Variants in MAN2C1 observed in about 807,000 individuals in gnomAD.
The protein encoded by MAN2C1 is mannosidase alpha class 2C member 1.
MAN2C1 carries 111 observed loss-of-function variants against 126.9 expected under a neutral mutation model. That is an observed-to-expected ratio of 0.87 (90% CI 0.75 to 1.02). MAN2C1 has a LOEUF of 1.02. Ranked by LOEUF, MAN2C1 falls within the 50% of genes least tolerant of loss-of-function variation. The pLI is 0.00. For synonymous variants in MAN2C1, 567 were observed against 561.5 expected, an observed-to-expected ratio of 1.01 and a Z score of -0.14; for missense variants, 1,363 against 1,364.4, an observed-to-expected ratio of 1.00 and a Z score of 0.02.
chr15:75,361,963 G>GCGC lies in MAN2C1; in HGVS notation c.1009-17_1009-16insGCG, dbSNP rs1178507153. The GCGC allele has an allele frequency of 6.2e-7, 1 of 1,601,754 alleles. No homozygotes were observed. The highest frequency in any genetic ancestry group is 2.2e-5 in the East Asian group (1 of 44,828). ...GGTTCCCATCCTGGCAGTGAAGGAA[G>GCGC]TGGGAGGCAGCCCAGGTCAGCGCTG... On this transcript the variant is annotated splice_polypyrimidine_tract_variant and intron_variant, in intron 8 of 25. Transcript: ENST00000267978. The surrounding 1 kb of genome is among the most constrained non-coding windows in gnomAD (Gnocchi z 5.0).
intron 4 of MAN2C1, chr15:75,365,977 C>A (rs1334752979): frequency 9.7e-6 from 4 of 411,474 alleles, no homozygotes; most frequent in Non-Finnish European, 1.9e-5. Context: ...ATCCCTGCTA[C>A]TCGGGAAGCT....
chr15:75,366,401 T>G, intron 4 of MAN2C1, 121 bp downstream of exon 4: 1 of 772,190 alleles, frequency 1.3e-6, no homozygotes, highest in Non-Finnish European at 2.1e-6. Context: ...AACAATGAGA[T>G]GTGAGGATGA....
rs1336026346 is a variant in MAN2C1 at position 75,368,550 on chromosome 15, T to A, written c.34A>T (p.Thr12Ser). The change falls in exon 1 of 26, where the codon ACC becomes TCC. Residue 12 changes from threonine to serine, a missense_variant. Coordinates refer to ENST00000267978, the MANE Select transcript of MAN2C1 (RefSeq NM_006715.4). ...AAAPALKHWR[T>S]TLERVEKFVS... ...AACTTCTCCACCCGCTCCAGCGTGG[T>A]GCGCCAGTGCTTCAAGGCCGGCGCA... 1 of 1,552,580 alleles carries A rather than the reference T, an allele frequency of 6.4e-7. No homozygotes were observed. The highest frequency in any genetic ancestry group is 2.4e-5 in the East Asian group (1 of 41,238).
Position 75,359,723 on chromosome 15 carries a change from A to C in MAN2C1, c.1845T>G (p.Cys615Trp), listed in dbSNP as rs757745186. 4 of 1,614,132 alleles carry C rather than the reference A, an allele frequency of 2.5e-6. No individual in the cohort carries two copies. The highest frequency in any genetic ancestry group is 2.2e-5 in the East Asian group (1 of 44,890). The change falls in exon 16 of 26, where the codon TGT becomes TGG. Residue 615 changes from cysteine (C) to tryptophan (W), a missense_variant. Around this residue, in one of 3 missense-constraint regions of MAN2C1, gnomAD observed 668 missense variants for 650.1 expected, o/e 1.03. Transcript: ENST00000267978. The stretch of plus-strand genomic sequence containing the variant: ...GGCCCTCAGGACCTGGCTCCCCAGC[A>C]CACAGGGCTGCGGCTGCAGCGCTGA... The part of the protein sequence containing the change: ...TLLSAAAAAL[C>W]AGEPGPEGLL...
At chr15:75,367,231 G>T (rs1343126974) in intron 3 of MAN2C1, among the ~76,000 whole-genome samples, 1 of 152,116 alleles carries the variant, frequency 6.6e-6, no homozygotes, top group Non-Finnish European at 1.5e-5. Context: ...ACACTTAACA[G>T]TGGTTATAGC....
intron 3 of MAN2C1, among the ~76,000 whole-genome samples, chr15:75,367,213 T>A (rs1005863056): frequency 2.0e-5 from 3 of 151,930 alleles, no homozygotes; most frequent in African/African-American, 7.3e-5. Context: ...GGGTGGAGCA[T>A]GAATAAGACA....
At chr15:75,366,106 C>G (rs542142014) in intron 4 of MAN2C1, 1 of 315,834 alleles carries the variant, frequency 3.2e-6, no homozygotes, top group Admixed American at 4.7e-5. Flanking sequence ...AACATGAATG[C>G]TGAGATGTTA....
chr15:75,360,275 C>T, intron 13 of MAN2C1, 64 bp from the exon 14 acceptor site: 1 of 1,584,984 alleles, frequency 6.3e-7, no homozygotes. Flanking sequence ...CCTTCCAAAG[C>T]CCTCCCTTGC....
intron 21 of MAN2C1, 109 bp downstream of exon 21, chr15:75,358,092 T>G: frequency 7.4e-7 from 1 of 1,352,562 alleles, no homozygotes; most frequent in South Asian, 1.2e-5. Context: ...GCACACACGT[T>G]AGGAAGCAGC....
Position 75,361,466 on chromosome 15 carries a change from C to A in MAN2C1, c.1219-85G>T. ...AGGCCTTCCAGACTTGGTCCTGCCC[C>A]TGCCTGCTATGTGACCCTGGCAGAG... is the stretch of plus-strand genomic sequence containing the variant. On this transcript the variant is annotated intron_variant, in intron 10 of 25. Coordinates refer to ENST00000267978, the MANE Select transcript of MAN2C1 (RefSeq NM_006715.4). The surrounding 1 kb of genome is among the most constrained non-coding windows in gnomAD (Gnocchi z 5.0). 1 of 1,307,478 alleles carries A rather than the reference C, an allele frequency of 7.6e-7. No homozygotes were observed. Among genetic ancestry groups the A allele is most frequent in the Non-Finnish European group, 1.1e-6 (1 of 906,190 alleles). The allele number at this position is 1,307,478 out of a possible 1,614,324, so 81.0% of individuals were successfully genotyped here.
intron 3 of MAN2C1, 79 bp from the exon 4 acceptor site, chr15:75,366,671 G>C (rs2072582103): frequency 9.4e-7 from 1 of 1,063,520 alleles, no homozygotes; most frequent in Admixed American, 2.6e-5. Context: ...TGGGGAGTCA[G>C]GCCCCTCCAT....
rs776328432 is a variant in MAN2C1 at position 75,368,159 on chromosome 15, G to A, written c.141C>T (p.Ser47=). 7 of 1,604,658 alleles carry A rather than the reference G, an allele frequency of 4.4e-6. No homozygotes were observed. Among genetic ancestry groups the A allele is most frequent in the East Asian group, 2.2e-5 (1 of 44,558 alleles). ...GASCPVAVLS[S]FLTPERLPYQ... ...AGGGAAGTCTCTCCGGCGTCAGGAA[G>A]CTGGAGAGCACAGCCACAGGGCAGC... The change falls in exon 2 of 26, where the codon AGC becomes AGT. Residue 47 remains serine, a synonymous_variant. Transcript: ENST00000267978.
At chr15:75,366,863 G>T (rs1257742063) in intron 3 of MAN2C1, among the ~76,000 whole-genome samples, 1 of 152,226 alleles carries the variant, frequency 6.6e-6, no homozygotes, top group Admixed American at 6.5e-5. Context: ...TAGGCAGCCT[G>T]AGTGTGGATT....
At position 75,362,738 on chromosome 15, in the gene MAN2C1, C is replaced by T. The variant is rs1307391658; in HGVS notation, c.801G>A (p.Trp267Ter). 6.2e-7 allele frequency: 1 copy of T among 1,614,078 alleles called. No homozygotes were observed. Among genetic ancestry groups the T allele is most frequent in the African/African-American group, 1.3e-5 (1 of 75,048 alleles). The change falls in exon 7 of 26, where the codon TGG becomes TGA. Residue 267 changes from tryptophan to a stop codon, truncating the protein, a stop_gained. Transcript: ENST00000267978. LOFTEE classifies it high-confidence loss of function. This position sits in a 1 kb window ranked among gnomAD's most constrained non-coding sequence, Gnocchi z 4.5. Reference sequence around the variant, plus strand: ...ATTTCCTCACAGTCTCTTTGAAGGGCCAAAGCCAGGCTATACGGGGAGTGA... The same window carrying T: ...ATTTCCTCACAGTCTCTTTGAAGGGTCAAAGCCAGGCTATACGGGGAGTGA... ...GHCHIDTAWLWPFKETVRKCA... is the reference protein window; with the variant it reads ...GHCHIDTAWL
Position 75,356,480 on chromosome 15 carries a change from G to C in MAN2C1, c.2738-31C>G. On this transcript the variant is annotated intron_variant, in intron 23 of 25. Transcript: ENST00000267978. This position sits in a 1 kb window ranked among gnomAD's most constrained non-coding sequence, Gnocchi z 5.8. ...GTACGACCAGGAAACAATGCTGGTG[G>C]AGAATGGGGGCTACCCTCCCCTGTC... The C allele has an allele frequency of 6.3e-7, 1 of 1,576,826 alleles. No homozygotes were observed. The highest frequency in any genetic ancestry group is 8.6e-7 in the Non-Finnish European group (1 of 1,163,294).
At chr15:75,363,907 C>T (rs1255304142) in intron 6 of MAN2C1, 92 bp downstream of exon 6, 1 of 1,414,548 alleles carries the variant, frequency 7.1e-7, no homozygotes, top group Admixed American at 2.2e-5. Flanking sequence ...GGAGCAAGAA[C>T]TTGCTGAGCA....
chr15:75,358,976 G>A (rs1010040080), intron 18 of MAN2C1, 83 bp downstream of exon 18: 199 of 1,573,854 alleles, frequency 1.3e-4, no homozygotes, highest in Admixed American at 4.8e-4. Context: ...GGCTGCTGTG[G>A]GCAGTGTTGT....
At chr15:75,368,416 C>T in intron 1 of MAN2C1, 67 bp downstream of exon 1, 1 of 1,501,078 alleles carries the variant, frequency 6.7e-7, no homozygotes. Context: ...GCTTAGGTTT[C>T]TCCCCGGAAG....
rs139192242 is a variant in MAN2C1, at chr15:75,359,799, A to T, written c.1793-24T>A. ...GTCTGAGGAAAGACTGGCTGGTCAT[A>T]GGTGGGCAACAGGTCTGGAATGTGC... is the stretch of plus-strand genomic sequence containing the variant. On this transcript the variant is annotated intron_variant, in intron 15 of 25. Transcript: ENST00000267978. The T allele has an allele frequency of 3.8e-4, 620 of 1,613,746 alleles. No individual in the cohort carries two copies. In the African/African-American group the frequency reaches 7.4e-3, roughly 19 times the overall value.
Sources: allele counts gnomAD v4.1 joint callset (sites outside exome capture counted in the v4.1 genomes callset), GRCh38; gene constraint gnomAD v4.1.1; regional missense constraint gnomAD v4.1.1; non-coding constraint Gnocchi (gnomAD v3.1); transcripts MANE v1.5; gene names NCBI Gene and HGNC (gene_info 2026-07-23, HGNC 2026-07-21).